ZSCAN2: variants seen among roughly 807,000 people sequenced by gnomAD.
ZSCAN2 encodes zinc finger and SCAN domain-containing protein 2.
Under a neutral mutation model 47.8 loss-of-function variants are expected in ZSCAN2, and 26 were observed. The observed-to-expected ratio is 0.54, with a 90% CI of 0.40 to 0.75. The LOEUF is 0.75. Ranked by LOEUF, ZSCAN2 falls within the 30% of genes least tolerant of loss-of-function variation. The pLI, the probability that ZSCAN2 is intolerant of heterozygous loss-of-function variation, is 0.00. For synonymous variants in ZSCAN2, 305 were observed against 288.7 expected, an observed-to-expected ratio of 1.06 and a Z score of -0.57; for missense variants, 732 against 785.4, an observed-to-expected ratio of 0.93 and a Z score of 0.81.
At chr15:84,603,784 T>TTTAGG (rs1712749805) in intron 1 of ZSCAN2, 36 bp from the exon 2 acceptor site, 4 of 990,444 alleles carry the variant, frequency 4.0e-6, no homozygotes, top group Non-Finnish European at 5.9e-6. Context: ...TAGGACAGTC[T>TTTAGG]ACCTATGGAT....
chr15:84,614,136 A>G (rs1439447492), intron 2 of ZSCAN2, among the ~76,000 whole-genome samples: 4 of 151,450 alleles, frequency 2.6e-5, no homozygotes, highest in Non-Finnish European at 5.9e-5. Flanking sequence ...GACTACAGGC[A>G]AGTGCCAACA....
Position 84,623,282 on chromosome 15 carries a change from C to T in ZSCAN2, c.*1242C>T, listed in dbSNP as rs188675711. 1.2e-3 allele frequency: 214 copies of T among 172,914 alleles called. No homozygotes were observed. The highest frequency in any genetic ancestry group is 4.7e-3 in the African/African-American group (195 of 41,622). The allele number at this position is 172,914 out of a possible 1,614,324, so 10.7% of individuals were successfully genotyped here. ...TCTTTTTTTGTATTTTTAGTAGAGACGGGGTTTCACCGCGTTAGCCAGGAT... is the reference window on the plus strand; with the variant it reads ...TCTTTTTTTGTATTTTTAGTAGAGATGGGGTTTCACCGCGTTAGCCAGGAT... On this transcript the variant is annotated 3_prime_UTR_variant, in exon 3 of 3. Coordinates refer to ENST00000546148, the MANE Select transcript of ZSCAN2 (RefSeq NM_181877.4).
rs778011907 is a variant in ZSCAN2 at position 84,603,958 on chromosome 15, A to G, written c.31A>G (p.Thr11Ala). Reference protein sequence around the residue: MMAADIPRVTTPLSSLVQVPQ... With the variant: MMAADIPRVTAPLSSLVQVPQ... ...GGCTGCAGACATCCCGAGAGTGACC[A>G]CTCCGCTGAGCTCCTTGGTCCAGGT... The change falls in exon 2 of 3, where the codon ACT (threonine) becomes GCT (alanine). Residue 11 changes from threonine to alanine, a missense_variant. Thr to Ala is a moderately conservative substitution (Grantham distance 58). Around this residue, in one of 2 missense-constraint regions of ZSCAN2, gnomAD observed 320 missense variants for 287.4 expected, o/e 1.11. Transcript: ENST00000546148. 3.1e-6 allele frequency: 5 copies of G among 1,613,616 alleles called. No individual in the cohort carries two copies. Among genetic ancestry groups the G allele is most frequent in the East Asian group, 2.2e-5 (1 of 44,874 alleles).
chr15:84,609,139 C>T (rs1895469886), intron 2 of ZSCAN2, among the ~76,000 whole-genome samples: 1 of 152,090 alleles, frequency 6.6e-6, no homozygotes, highest in Admixed American at 6.5e-5. Context: ...CCTTAATGAC[C>T]ACAAATGAAC....
intron 1 of ZSCAN2, among the ~76,000 whole-genome samples, chr15:84,602,922 T>A (rs181714009): frequency 9.8e-5 from 15 of 152,294 alleles, no homozygotes; most frequent in African/African-American, 3.1e-4. Flanking sequence ...TATGGGTGTG[T>A]CATAGTTTAT....
At chr15:84,601,949 A>ATTTTTTTT (rs60806194) in intron 1 of ZSCAN2, 1 of 102,264 alleles carries the variant, frequency 9.8e-6, no homozygotes, top group Non-Finnish European at 1.9e-5. Flanking sequence ...CTGTGAGTTC[A>ATTTTTTTT]TTTTTTTTTT....
intron 2 of ZSCAN2, among the ~76,000 whole-genome samples, chr15:84,619,227 C>G (rs1440479073): frequency 6.6e-6 from 1 of 152,008 alleles, no homozygotes; most frequent in Admixed American, 6.5e-5. Context: ...GTCAGGAGAT[C>G]GAGACCATCC....
intron 2 of ZSCAN2, 22 bp from the exon 3 acceptor site, chr15:84,620,580 A>C (rs766541629): frequency 6.4e-7 from 1 of 1,572,654 alleles, no homozygotes; most frequent in South Asian, 1.1e-5. Flanking sequence ...TAGACATTGT[A>C]TGTTTTTCTT....
intron 2 of ZSCAN2, among the ~76,000 whole-genome samples, chr15:84,620,087 A>G (rs1567012557): frequency 2.0e-5 from 3 of 151,844 alleles, no homozygotes; most frequent in Admixed American, 1.3e-4. Context: ...ATTCTTCCTG[A>G]TGCTCTCCCT....
chr15:84,603,131 G>T (rs1405278174), intron 1 of ZSCAN2, among the ~76,000 whole-genome samples: 1 of 152,090 alleles, frequency 6.6e-6, no homozygotes, highest in Non-Finnish European at 1.5e-5. Flanking sequence ...ATCCATTGCT[G>T]ATCCTTAAGA....
chr15:84,610,801 T>G (rs1218017651), intron 2 of ZSCAN2, among the ~76,000 whole-genome samples: 1 of 152,010 alleles, frequency 6.6e-6, no homozygotes, highest in Non-Finnish European at 1.5e-5. Flanking sequence ...CAGAAGTGTT[T>G]CATATAAAAA....
In ZSCAN2 at chr15:84,622,153, CAG is replaced by C. The variant is rs148177346; in HGVS notation, c.*116_*117del. 8.7e-4 allele frequency: 855 copies of C among 977,338 alleles called. 8 individuals carry two copies. The African/African-American group carries it at 0.012, about 14-fold the overall frequency. The allele number at this position is 977,338 out of a possible 1,614,324, so 60.5% of individuals were successfully genotyped here. ...TCCTAAACATTCTGGGGGGTTTTGC[CAG>C]AGTCTTCCCCTTGCTCATCCTCATT... On this transcript the variant is annotated 3_prime_UTR_variant, in exon 3 of 3. Transcript: ENST00000546148.
chr15:84,610,813 C>T (rs999781255), intron 2 of ZSCAN2, among the ~76,000 whole-genome samples: 2 of 152,024 alleles, frequency 1.3e-5, no homozygotes, highest in Admixed American at 6.6e-5. Context: ...ATATAAAAAA[C>T]GATACTGTGA....
chr15:84,621,172 G>T lies in ZSCAN2; in HGVS notation c.977G>T (p.Arg326Leu). The T allele has an allele frequency of 1.2e-6, 2 of 1,614,108 alleles. No homozygotes were observed. Among genetic ancestry groups the T allele is most frequent in the Non-Finnish European group, 8.5e-7 (1 of 1,180,016 alleles). Residue 326 changes from arginine to leucine, a missense_variant, in exon 3 of 3, where the codon CGC becomes CTC. Arg to Leu is a moderately radical substitution (Grantham distance 102, BLOSUM62 -2). Transcript: ENST00000546148. The surrounding 1 kb of genome is among the most constrained non-coding windows in gnomAD (Gnocchi z 5.7). ...AGTCCCAACCTCATTGCACATCAGC[G>T]CACCCACACAGGAGAGAAACCCTAC... is the stretch of plus-strand genomic sequence containing the variant. ...SRSPNLIAHQ[R>L]THTGEKPYSC...
intron 1 of ZSCAN2, 80 bp from the exon 2 acceptor site, chr15:84,603,739 TG>T: frequency 1.7e-6 from 1 of 596,834 alleles, no homozygotes; most frequent in Non-Finnish European, 2.8e-6. Context: ...GGCCACTTGG[TG>T]GTCTGACCTG....
Position 84,621,767 on chromosome 15 carries a change from C to T in ZSCAN2, c.1572C>T (p.His524=), listed in dbSNP as rs1043180817. Residue 524 remains histidine, a synonymous_variant, in exon 3 of 3, where the codon CAC becomes CAT. Transcript: ENST00000546148. The surrounding 1 kb of genome is among the most constrained non-coding windows in gnomAD (Gnocchi z 5.7). ...RSQLVVHQRT[H]TGEKPYKCLM... Reference sequence around the variant, plus strand: ...AGCTCGTAGTGCACCAGCGGACCCACACGGGCGAGAAGCCCTACAAATGCC... The same window carrying T: ...AGCTCGTAGTGCACCAGCGGACCCATACGGGCGAGAAGCCCTACAAATGCC... 2.5e-5 allele frequency: 40 copies of T among 1,614,140 alleles called. No individual in the cohort carries two copies. Among genetic ancestry groups the T allele is most frequent in the Non-Finnish European group, 2.9e-5 (34 of 1,180,042 alleles).
intron 2 of ZSCAN2, chr15:84,616,418 C>T (rs1222723624): frequency 1.9e-6 from 3 of 1,585,072 alleles, no homozygotes; most frequent in African/African-American, 2.7e-5. Context: ...TTCCCAAACA[C>T]AGGAAGTGAT....
intron 2 of ZSCAN2, among the ~76,000 whole-genome samples, chr15:84,612,718 G>C (rs1388332834): frequency 6.6e-6 from 1 of 152,090 alleles, no homozygotes; most frequent in Non-Finnish European, 1.5e-5. Context: ...CTGGAAGACA[G>C]AGTGAGACTG....
intron 1 of ZSCAN2, among the ~76,000 whole-genome samples, chr15:84,603,312 TACTC>T (rs1472472722): frequency 6.6e-6 from 1 of 152,172 alleles, no homozygotes; most frequent in African/African-American, 2.4e-5. Flanking sequence ...GCATTTCTGA[TACTC>T]ATTCTTTGGT....
Sources: gnomAD v4.1 joint callset for allele counts (sites outside exome capture counted in the v4.1 genomes callset) on GRCh38, gnomAD v4.1.1 for gene constraint, gnomAD v4.1.1 regional missense constraint, Gnocchi (gnomAD v3.1) non-coding constraint, MANE v1.5 for transcripts, NCBI Gene and HGNC (gene_info 2026-07-23, HGNC 2026-07-21) for gene names.